MON2: variants seen among roughly 807,000 people sequenced by gnomAD.
MON2 encodes protein MON2 homolog.
A neutral mutation model predicts 208.6 loss-of-function variants in MON2; 84 were observed. The ratio of observed to expected loss-of-function variants is 0.40; its 90% confidence interval spans 0.34 to 0.48. The LOEUF (loss-of-function observed/expected upper bound fraction) is 0.48. Ranked by LOEUF, MON2 falls within the 20% of genes least tolerant of loss-of-function variation. The pLI, the probability that MON2 is intolerant of heterozygous loss-of-function variation, is 0.59. For synonymous variants in MON2, 660 were observed against 694.0 expected (o/e 0.95, Z 0.77); for missense variants, 1,611 against 2,015.4 (o/e 0.80, Z 3.84).
rs200756958 is a variant in MON2 at position 62,552,967 on chromosome 12, A to G, written c.3003A>G (p.Ala1001=). ...AAGAGGCAGCACAGCAAAAGCAGGC[A>G]GAAGAGAAAGGAGTTGTTTTAAATC... ...NKEEAAQQKQ[A]EEKGVVLNRP... Residue 1001 remains alanine (A), a synonymous_variant, in exon 24 of 35, where the codon GCA becomes GCG. Coordinates refer to ENST00000393630, the MANE Select transcript of MON2 (RefSeq NM_015026.3). 56 of 1,614,110 alleles carry G rather than the reference A, an allele frequency of 3.5e-5. No homozygotes were observed. The highest frequency in any genetic ancestry group is 4.4e-5 in the Non-Finnish European group (52 of 1,180,028).
chr12:62,538,598 ACACT>A, intron 19 of MON2, 93 bp downstream of exon 19: 1 of 848,928 alleles, frequency 1.2e-6, no homozygotes, highest in African/African-American at 1.7e-5. Context: ...AGTAGAACTA[ACACT>A]CAGATTGTAT....
rs1565677615 is a variant in MON2 at position 62,553,002 on chromosome 12, A to G, written c.3038A>G (p.His1013Arg). The G allele has an allele frequency of 1.2e-6, 2 of 1,614,018 alleles. No individual in the cohort carries two copies. Among genetic ancestry groups the G allele is most frequent in the African/African-American group, 1.3e-5 (1 of 74,914 alleles). The change falls in exon 24 of 35, where the codon CAC (histidine) becomes CGC (arginine). Residue 1013 changes from histidine (H) to arginine (R), a missense_variant. Transcript: ENST00000393630. ...GGAGTTGTTTTAAATCGGCCATTCCACCCTGCACCGCCATTTGATTGCTTG... is the reference window on the plus strand; with the variant it reads ...GGAGTTGTTTTAAATCGGCCATTCCGCCCTGCACCGCCATTTGATTGCTTG... ...EKGVVLNRPFHPAPPFDCLWL... is the reference protein window; with the variant it reads ...EKGVVLNRPFRPAPPFDCLWL...
chr12:62,554,827 C>CCTTT (rs770507379), intron 24 of MON2, among the ~76,000 whole-genome samples: 2 of 152,056 alleles, frequency 1.3e-5, no homozygotes, highest in African/African-American at 2.4e-5. Context: ...CCTCTCCTTA[C>CCTTT]CTTTGTGTGT....
intron 19 of MON2, among the ~76,000 whole-genome samples, chr12:62,539,738 TG>T (rs1437136653): frequency 6.6e-6 from 1 of 151,680 alleles, no homozygotes; most frequent in African/African-American, 2.4e-5. Flanking sequence ...GTATTATGGC[TG>T]GGCATGGTGG....
At chr12:62,522,454 T>G (rs905184070) in intron 8 of MON2, among the ~76,000 whole-genome samples, 16 of 152,310 alleles carry the variant, frequency 1.1e-4, no homozygotes, top group Admixed American at 2.6e-4. Flanking sequence ...ACAGGATTCT[T>G]TAATAGATAT....
chr12:62,546,647 A>C (rs774707368), intron 21 of MON2, among the ~76,000 whole-genome samples: 63 of 152,288 alleles, frequency 4.1e-4, no homozygotes, highest in Admixed American at 1.8e-3. Flanking sequence ...CCAGCTACTC[A>C]GGAGACTGAA....
intron 1 of MON2, among the ~76,000 whole-genome samples, chr12:62,470,137 G>A (rs2068724741): frequency 6.6e-6 from 1 of 151,766 alleles, no homozygotes; most frequent in African/African-American, 2.4e-5. Context: ...CAACTCCTGC[G>A]ATTAGGCAAT....
intron 1 of MON2, among the ~76,000 whole-genome samples, chr12:62,476,071 T>G (rs2069058069): frequency 6.6e-6 from 1 of 152,094 alleles, no homozygotes; most frequent in African/African-American, 2.4e-5. Context: ...CATGTATATA[T>G]TTTTAGTTAT....
chr12:62,584,216 A>G (rs1030097791), intron 32 of MON2, among the ~76,000 whole-genome samples: 3 of 152,072 alleles, frequency 2.0e-5, no homozygotes, highest in Non-Finnish European at 4.4e-5. Context: ...ATTCAGTAAG[A>G]CTGGGAGGCA....
At chr12:62,549,973 G>A in intron 23 of MON2, 143 bp downstream of exon 23, 2 of 497,234 alleles carry the variant, frequency 4.0e-6, no homozygotes, top group Middle Eastern at 5.3e-4. Flanking sequence ...CTGGGTGAAG[G>A]ATTAAATAAC....
At chr12:62,569,619 A>G (rs1362978087) in intron 29 of MON2, among the ~76,000 whole-genome samples, 1 of 152,224 alleles carries the variant, frequency 6.6e-6, no homozygotes, top group African/African-American at 2.4e-5. Flanking sequence ...AGTTCCTAAA[A>G]TTAATTTTTA....
At chr12:62,536,447 G>A (rs753060218) in intron 14 of MON2, among the ~76,000 whole-genome samples, 2 of 151,810 alleles carry the variant, frequency 1.3e-5, no homozygotes, top group African/African-American at 2.4e-5. Context: ...AAAGCAGTCC[G>A]GCCTCAGCCT....
At position 62,595,953 on chromosome 12, in the gene MON2, A is replaced by G. The variant is rs1202104324; in HGVS notation, c.*3204A>G. ...TATCATCAGAAGAAAGAGATGAACA[A>G]TTTAGTGTAGATATTTTATTCTGGA... On this transcript the variant is annotated 3_prime_UTR_variant, in exon 35 of 35. Coordinates refer to ENST00000393630, the MANE Select transcript of MON2 (RefSeq NM_015026.3). 6.6e-6 allele frequency: 1 copy of G among 152,240 alleles called. No individual in the cohort carries two copies. The highest frequency in any genetic ancestry group is 1.9e-4 in the East Asian group (1 of 5,202). The allele number at this position is 152,240 out of a possible 1,614,324, so 9.4% of individuals were successfully genotyped here.
At position 62,600,330 on chromosome 12, in the gene MON2, T is replaced by C. The variant is rs1157057399; in HGVS notation, c.*7581T>C. ...AGACAACCACTGAATGTTAAGAATCTACTGTGTGCTAATAACTGTGTCCTT... is the reference window on the plus strand; with the variant it reads ...AGACAACCACTGAATGTTAAGAATCCACTGTGTGCTAATAACTGTGTCCTT... On this transcript the variant is annotated 3_prime_UTR_variant, in exon 35 of 35. Coordinates refer to ENST00000393630, the MANE Select transcript of MON2 (RefSeq NM_015026.3). 1 of 152,224 alleles carries C rather than the reference T, an allele frequency of 6.6e-6. No homozygotes were observed. The highest frequency in any genetic ancestry group is 1.9e-4 in the East Asian group (1 of 5,198). 9.4% of individuals were successfully genotyped at this position (152,224 alleles called of 1,614,324 possible).
At chr12:62,567,882 C>T (rs982613158) in intron 29 of MON2, among the ~76,000 whole-genome samples, 1 of 152,174 alleles carries the variant, frequency 6.6e-6, no homozygotes, top group Non-Finnish European at 1.5e-5. Flanking sequence ...TGGCTTACTG[C>T]TTTATGACTT....
chr12:62,570,500 A>G (rs1157330991), intron 29 of MON2, among the ~76,000 whole-genome samples: 2 of 152,146 alleles, frequency 1.3e-5, no homozygotes, highest in African/African-American at 4.8e-5. Flanking sequence ...GGACCGAGAT[A>G]CGTTCTGAGA....
At chr12:62,554,081 C>T (rs2073863343) in intron 24 of MON2, among the ~76,000 whole-genome samples, 1 of 152,224 alleles carries the variant, frequency 6.6e-6, no homozygotes. Flanking sequence ...AGTTCCTCCT[C>T]AGATCACAAA....
intron 34 of MON2, among the ~76,000 whole-genome samples, chr12:62,592,021 G>A (rs1225600346): frequency 6.6e-6 from 1 of 152,134 alleles, no homozygotes; most frequent in Non-Finnish European, 1.5e-5. Flanking sequence ...TAGTGGTGAA[G>A]AAGCCAGACA....
intron 5 of MON2, among the ~76,000 whole-genome samples, chr12:62,499,614 C>T (rs901863896): frequency 1.3e-5 from 2 of 151,984 alleles, no homozygotes; most frequent in Non-Finnish European, 2.9e-5. Context: ...TGGCTCATGC[C>T]TGTAATCGTA....
Sources: allele counts gnomAD v4.1 joint callset (sites outside exome capture counted in the v4.1 genomes callset), GRCh38; gene constraint gnomAD v4.1.1; transcripts MANE v1.5; gene names NCBI Gene and HGNC (gene_info 2026-07-23, HGNC 2026-07-21).